The following MAML1 variants were observed in gnomAD, a reference collection of about 807,000 sequenced individuals.
The protein encoded by MAML1 is mastermind-like protein 1.
Under a neutral mutation model 77.1 loss-of-function variants are expected in MAML1, and 14 were observed. That is an observed-to-expected ratio of 0.18 (90% CI 0.12 to 0.28). The LOEUF (loss-of-function observed/expected upper bound fraction) is 0.28. Ranked by LOEUF, MAML1 falls within the 10% of genes least tolerant of loss-of-function variation. MAML1 has a pLI of 1.00. For synonymous variants in MAML1, 516 were observed against 551.9 expected (o/e 0.93, Z 0.91); for missense variants, 1,217 against 1,327.8 (o/e 0.92, Z 1.30).
intron 1 of MAML1, among the ~76,000 whole-genome samples, chr5:179,752,698 C>T (rs1422404380): frequency 6.7e-6 from 1 of 150,208 alleles, no homozygotes; most frequent in Admixed American, 6.7e-5. Flanking sequence ...GCTCCGCCTC[C>T]CGGGTTCACG....
chr5:179,743,881 A>G (rs1014162105), intron 1 of MAML1, among the ~76,000 whole-genome samples: 1 of 152,164 alleles, frequency 6.6e-6, no homozygotes, highest in Non-Finnish European at 1.5e-5. Context: ...AGAAGGTGCT[A>G]TTTATAGTTG....
Position 179,769,132 on chromosome 5 carries a change from C to T in MAML1, c.1971+43C>T, listed in dbSNP as rs1015523283. ...AGGAAACCACCGCTTCCCACCTTTGCCTGCACCCTGCGTCACTGCTACAGT... is the reference window on the plus strand; with the variant it reads ...AGGAAACCACCGCTTCCCACCTTTGTCTGCACCCTGCGTCACTGCTACAGT... On this transcript the variant is annotated intron_variant, in intron 3 of 4. Coordinates refer to ENST00000292599, the MANE Select transcript of MAML1 (RefSeq NM_014757.5). The surrounding 1 kb of genome is among the most constrained non-coding windows in gnomAD (Gnocchi z 4.2). The T allele has an allele frequency of 6.2e-7, 1 of 1,606,616 alleles. No individual in the cohort carries two copies. Among genetic ancestry groups the T allele is most frequent in the Non-Finnish European group, 8.5e-7 (1 of 1,175,794 alleles).
At chr5:179,762,086 G>A (rs576145012) in intron 1 of MAML1, among the ~76,000 whole-genome samples, 9 of 152,338 alleles carry the variant, frequency 5.9e-5, no homozygotes, top group Admixed American at 3.3e-4. Flanking sequence ...AGAACCACGC[G>A]TGTCTTCAGC....
intron 1 of MAML1, among the ~76,000 whole-genome samples, chr5:179,734,750 G>A (rs1381013657): frequency 2.0e-5 from 3 of 151,856 alleles, no homozygotes; most frequent in South Asian, 2.1e-4. Flanking sequence ...CAATCCTCCC[G>A]CCTCAGCCTC....
intron 1 of MAML1, among the ~76,000 whole-genome samples, chr5:179,750,617 T>C (rs1231558143): frequency 6.6e-6 from 1 of 152,160 alleles, no homozygotes; most frequent in South Asian, 2.1e-4. Context: ...TGAGCCACCA[T>C]GTCCGGCTAA....
At chr5:179,756,187 A>G (rs1779611479) in intron 1 of MAML1, among the ~76,000 whole-genome samples, 1 of 151,206 alleles carries the variant, frequency 6.6e-6, no homozygotes, top group African/African-American at 2.4e-5. Flanking sequence ...GCACTTTTGG[A>G]GGCCGAGGCA....
chr5:179,736,507 TC>T (rs1194361298), intron 1 of MAML1, among the ~76,000 whole-genome samples: 2 of 151,976 alleles, frequency 1.3e-5, no homozygotes, highest in Non-Finnish European at 2.9e-5. Flanking sequence ...CGCACTGGCC[TC>T]CCAAAGTGCT....
At position 179,769,189 on chromosome 5, in the gene MAML1, C is replaced by G; in HGVS notation, c.1971+100C>G. 1 of 1,511,778 alleles carries G rather than the reference C, an allele frequency of 6.6e-7. No homozygotes were observed. Among genetic ancestry groups the G allele is most frequent in the East Asian group, 2.3e-5 (1 of 44,020 alleles). The allele number at this position is 1,511,778 out of a possible 1,614,324, so 93.6% of individuals were successfully genotyped here. A position where few individuals can be genotyped will look rare whatever the true frequency, so the allele number is the denominator to read the frequency against. ...TTCTGCTTGTGCGTGTGGATTTGCGCAGACTTGCGTGCCTGTTGTTAGAGT... is the reference window on the plus strand; with the variant it reads ...TTCTGCTTGTGCGTGTGGATTTGCGGAGACTTGCGTGCCTGTTGTTAGAGT... On this transcript the variant is annotated intron_variant, in intron 3 of 4. Coordinates refer to ENST00000292599, the MANE Select transcript of MAML1 (RefSeq NM_014757.5). The surrounding 1 kb of genome is among the most constrained non-coding windows in gnomAD (Gnocchi z 4.2).
chr5:179,740,924 G>C (rs1218479087), intron 1 of MAML1, among the ~76,000 whole-genome samples: 1 of 151,992 alleles, frequency 6.6e-6, no homozygotes, highest in Non-Finnish European at 1.5e-5. Context: ...TTTTCCCCTG[G>C]GTGATGTTAT....
At chr5:179,740,499 A>G (rs1275040278) in intron 1 of MAML1, among the ~76,000 whole-genome samples, 1 of 151,648 alleles carries the variant, frequency 6.6e-6, no homozygotes, top group Non-Finnish European at 1.5e-5. Flanking sequence ...GATGGTCTCT[A>G]TCTCCTGACC....
chr5:179,774,562 C>G lies in MAML1; in HGVS notation c.2736C>G (p.Thr912=). 1 of 1,612,774 alleles carries G rather than the reference C, an allele frequency of 6.2e-7. No individual in the cohort carries two copies. The change falls in exon 5 of 5, where the codon ACC becomes ACG. Residue 912 remains threonine, a synonymous_variant. Coordinates refer to ENST00000292599, the MANE Select transcript of MAML1 (RefSeq NM_014757.5). ...LLPPVSAQQR[T]SAPAPAPPPT... ...CCCCAGTGAGTGCACAGCAGAGGAC[C>G]AGCGCCCCTGCCCCAGCACCACCCC...
intron 1 of MAML1, among the ~76,000 whole-genome samples, chr5:179,761,042 C>T (rs948272480): frequency 4.0e-5 from 6 of 151,058 alleles, no homozygotes; most frequent in African/African-American, 1.2e-4. Flanking sequence ...TGCAGTGAGC[C>T]GAGATCGCGC....
intron 1 of MAML1, among the ~76,000 whole-genome samples, chr5:179,761,666 G>A (rs867234908): frequency 6.6e-6 from 1 of 152,304 alleles, no homozygotes; most frequent in African/African-American, 2.4e-5. Context: ...TTGCACTCCA[G>A]CCTGGGCAAC....
At position 179,769,142 on chromosome 5, in the gene MAML1, G is replaced by C; in HGVS notation, c.1971+53G>C. 6.2e-7 allele frequency: 1 copy of C among 1,602,840 alleles called. No individual in the cohort carries two copies. Among genetic ancestry groups the C allele is most frequent in the South Asian group, 1.1e-5 (1 of 89,226 alleles). On this transcript the variant is annotated intron_variant, in intron 3 of 4. Coordinates refer to ENST00000292599, the MANE Select transcript of MAML1 (RefSeq NM_014757.5). The surrounding 1 kb of genome is among the most constrained non-coding windows in gnomAD (Gnocchi z 4.2). ...CGCTTCCCACCTTTGCCTGCACCCTGCGTCACTGCTACAGTCACACCTTCT... is the reference window on the plus strand; with the variant it reads ...CGCTTCCCACCTTTGCCTGCACCCTCCGTCACTGCTACAGTCACACCTTCT...
chr5:179,765,202 G>T, intron 1 of MAML1, 124 bp from the exon 2 acceptor site: 1 of 760,164 alleles, frequency 1.3e-6, no homozygotes, highest in Non-Finnish European at 2.1e-6. Flanking sequence ...CCAGAAATGG[G>T]AGTGTACACT....
Position 179,775,196 on chromosome 5 carries a change from G to A in MAML1, c.*319G>A, listed in dbSNP as rs1756108421. ...AGTAACACCAGTGAAACCCCACACT[G>A]TCGGGCTTATAAAAATCTGTGCCAT... On this transcript the variant is annotated 3_prime_UTR_variant, in exon 5 of 5. Transcript: ENST00000292599. 15 of 1,068,308 alleles carry A rather than the reference G, an allele frequency of 1.4e-5. No individual in the cohort carries two copies. Among genetic ancestry groups the A allele is most frequent in the African/African-American group, 1.7e-5 (1 of 60,194 alleles). The allele number at this position is 1,068,308 out of a possible 1,614,324, so 66.2% of individuals were successfully genotyped here.
rs1201988005 is a variant in MAML1, at chr5:179,771,435, G to A, written c.2068+192G>A. ...GGCATCAGGAGAAGAGGGCACAGAG[G>A]CAAACCACTAGAACTACCTTTGCTG... On this transcript the variant is annotated intron_variant, in intron 4 of 4. Coordinates refer to ENST00000292599, the MANE Select transcript of MAML1 (RefSeq NM_014757.5). The surrounding 1 kb of genome is among the most constrained non-coding windows in gnomAD (Gnocchi z 4.7). Among the ~76,000 whole-genome samples the A allele has an allele frequency of 6.6e-6, 1 of 152,210 alleles. No individual in the cohort carries two copies. Among genetic ancestry groups the A allele is most frequent in the Non-Finnish European group, 1.5e-5 (1 of 68,046 alleles).
intron 1 of MAML1, among the ~76,000 whole-genome samples, chr5:179,752,905 C>T (rs993742102): frequency 6.6e-6 from 1 of 152,166 alleles, no homozygotes; most frequent in Non-Finnish European, 1.5e-5. Flanking sequence ...TCCTGAGTAG[C>T]TGGGATTACA....
chr5:179,761,660 A>G (rs1779728595), intron 1 of MAML1, among the ~76,000 whole-genome samples: 1 of 152,170 alleles, frequency 6.6e-6, no homozygotes, highest in African/African-American at 2.4e-5. Context: ...GCACCATTGC[A>G]CTCCAGCCTG....
Sources: gnomAD v4.1 joint callset for allele counts (sites outside exome capture counted in the v4.1 genomes callset) on GRCh38, gnomAD v4.1.1 for gene constraint, Gnocchi (gnomAD v3.1) non-coding constraint, MANE v1.5 for transcripts, NCBI Gene and HGNC (gene_info 2026-07-23, HGNC 2026-07-21) for gene names.